LOC128092252: variants seen among roughly 807,000 people sequenced by gnomAD.
chr15:50,651,082 G>A, the LOC128092252 span, among the ~76,000 whole-genome samples: 1 of 152,060 alleles, frequency 6.6e-6, no homozygotes, highest in Non-Finnish European at 1.5e-5. Flanking sequence ...AGCTACTTGG[G>A]AAGCTGAGAT....
At chr15:50,656,640 A>T in the LOC128092252 span, among the ~76,000 whole-genome samples, 2 of 151,858 alleles carry the variant, frequency 1.3e-5, no homozygotes, top group Admixed American at 6.6e-5. Context: ...CCAGCCTGTC[A>T]GGTTTTTTGT....
chr15:50,660,693 G>GA, the LOC128092252 span, among the ~76,000 whole-genome samples: 1 of 152,252 alleles, frequency 6.6e-6, no homozygotes, highest in Middle Eastern at 3.4e-3. Flanking sequence ...ACGTTTTCTT[G>GA]ATGGTGATGG....
chr15:50,654,033 C>A, the LOC128092252 span, among the ~76,000 whole-genome samples: 1 of 152,062 alleles, frequency 6.6e-6, no homozygotes, highest in African/African-American at 2.4e-5. Context: ...ACTGCCCTAA[C>A]AAAGAAGAAA....
At chr15:50,664,059 G>A in the LOC128092252 span, among the ~76,000 whole-genome samples, 3 of 152,138 alleles carry the variant, frequency 2.0e-5, no homozygotes, top group South Asian at 4.1e-4. Flanking sequence ...CAACACTTTG[G>A]GAGGCTGAGG....
the LOC128092252 span, among the ~76,000 whole-genome samples, chr15:50,681,038 G>A: frequency 6.6e-6 from 1 of 152,062 alleles, no homozygotes; most frequent in African/African-American, 2.4e-5. Flanking sequence ...AGATCACGAG[G>A]TCAGGAGTTC....
At chr15:50,655,478 A>G in the LOC128092252 span, among the ~76,000 whole-genome samples, 4 of 151,898 alleles carry the variant, frequency 2.6e-5, no homozygotes. Flanking sequence ...TCAATCAGGT[A>G]AAAAATTTGA....
chr15:50,673,525 G>GT, the LOC128092252 span, among the ~76,000 whole-genome samples: 83 of 152,112 alleles, frequency 5.5e-4, no homozygotes, highest in African/African-American at 2.0e-3. Context: ...ATGATGTTTG[G>GT]TTTTCCATTC....
the LOC128092252 span, among the ~76,000 whole-genome samples, chr15:50,656,299 T>C: frequency 6.6e-6 from 1 of 151,952 alleles, no homozygotes; most frequent in South Asian, 2.1e-4. Flanking sequence ...TCAGGTCTTT[T>C]TGTTTGTTTT....
At chr15:50,683,761 G>A in the LOC128092252 span, among the ~76,000 whole-genome samples, 1 of 151,988 alleles carries the variant, frequency 6.6e-6, no homozygotes, top group Non-Finnish European at 1.5e-5. Flanking sequence ...AAAAACAAGT[G>A]CAAGACTCCT....
chr15:50,668,587 T>A, the LOC128092252 span, among the ~76,000 whole-genome samples: 1 of 152,162 alleles, frequency 6.6e-6, no homozygotes, highest in Admixed American at 6.5e-5. Flanking sequence ...AGCTTACTGC[T>A]AACTCTGCCT....
chr15:50,675,688 G>C, the LOC128092252 span, among the ~76,000 whole-genome samples: 13 of 152,174 alleles, frequency 8.5e-5, no homozygotes, highest in African/African-American at 3.1e-4. Context: ...TATACACTTT[G>C]CTTTTTAATT....
the LOC128092252 span, among the ~76,000 whole-genome samples, chr15:50,661,238 G>C: frequency 6.6e-6 from 1 of 152,076 alleles, no homozygotes; most frequent in Non-Finnish European, 1.5e-5. Flanking sequence ...GCCTCCCAAA[G>C]TGCTGGGATT....
the LOC128092252 span, among the ~76,000 whole-genome samples, chr15:50,661,775 AAAGG>A: frequency 2.6e-5 from 4 of 152,238 alleles, no homozygotes; most frequent in Non-Finnish European, 5.9e-5. Flanking sequence ...AGGAGACGGA[AAAGG>A]AAGGAAGATT....
chr15:50,672,055 G>GGTTTTT, the LOC128092252 span, among the ~76,000 whole-genome samples: 2 of 151,874 alleles, frequency 1.3e-5, no homozygotes, highest in Non-Finnish European at 2.9e-5. Flanking sequence ...TTGTTTGGTT[G>GGTTTTT]GTTTTTGTTT....
the LOC128092252 span, chr15:50,662,975 G>T: frequency 1.9e-6 from 3 of 1,612,478 alleles, no homozygotes; most frequent in Non-Finnish European, 2.5e-6. Context: ...ACCTGTGAGG[G>T]TCCTTGGAAC....
chr15:50,669,659 C>T, the LOC128092252 span, among the ~76,000 whole-genome samples: 2 of 152,210 alleles, frequency 1.3e-5, no homozygotes, highest in South Asian at 4.1e-4. Flanking sequence ...AATTGTGTTT[C>T]AAGAACTATG....
chr15:50,673,538 G>C, the LOC128092252 span, among the ~76,000 whole-genome samples: 3 of 152,006 alleles, frequency 2.0e-5, no homozygotes, highest in African/African-American at 7.3e-5. Flanking sequence ...TTCCATTCCT[G>C]AGTTACTTCA....
the LOC128092252 span, among the ~76,000 whole-genome samples, chr15:50,650,054 A>G: frequency 2.0e-5 from 3 of 151,820 alleles, no homozygotes; most frequent in East Asian, 5.8e-4. Context: ...TTAGCTGGGC[A>G]TGGTGGCGCG....
chr15:50,667,399 A>C, the LOC128092252 span, among the ~76,000 whole-genome samples: 1 of 152,130 alleles, frequency 6.6e-6, no homozygotes, highest in Non-Finnish European at 1.5e-5. Flanking sequence ...AGCTTTGATT[A>C]ACTGGTTTAA....
Sources: gnomAD v4.1 joint callset for allele counts (sites outside exome capture counted in the v4.1 genomes callset) on GRCh38, gnomAD v4.1.1 for gene constraint, MANE v1.5 for transcripts.